Variants in LRP1B observed in about 807,000 individuals in gnomAD.
LRP1B encodes LDL receptor related protein 1B, also known as low-density lipoprotein receptor-related protein 1B.
Under a neutral mutation model 556.6 loss-of-function variants are expected in LRP1B, and 217 were observed. That is an observed-to-expected ratio of 0.39 (90% CI 0.35 to 0.44). The LOEUF (loss-of-function observed/expected upper bound fraction) is 0.44, where lower values mean the gene tolerates loss of function less well. Among genes scored for constraint, LRP1B ranks in the 20% least tolerant of loss-of-function variants. The pLI, the probability that LRP1B is intolerant of heterozygous loss-of-function variation, is 1.00. For synonymous variants in LRP1B, 2,047 were observed against 1,865.8 expected (o/e 1.10, Z -2.50); for missense variants, 5,053 against 5,620.8 (o/e 0.90, Z 3.23).
intron 2 of LRP1B, among the ~76,000 whole-genome samples, chr2:141,529,672 A>T (rs1425827952): frequency 2.0e-5 from 3 of 152,106 alleles, no homozygotes; most frequent in Non-Finnish European, 4.4e-5. Flanking sequence ...TTACATTGCA[A>T]ATGAACCCTG....
intron 3 of LRP1B, among the ~76,000 whole-genome samples, chr2:141,468,775 C>T (rs1180149092): frequency 1.3e-5 from 2 of 152,104 alleles, no homozygotes; most frequent in Non-Finnish European, 2.9e-5. Flanking sequence ...TGTACCTGTA[C>T]TGTACTCTAA....
At chr2:140,614,802 C>G (rs1233970248) in intron 41 of LRP1B, among the ~76,000 whole-genome samples, 2 of 152,094 alleles carry the variant, frequency 1.3e-5, no homozygotes, top group African/African-American at 4.8e-5. Flanking sequence ...GATGTGGCTT[C>G]AAGGAAAATC....
intron 1 of LRP1B, among the ~76,000 whole-genome samples, chr2:141,952,568 A>G (rs1701135919): frequency 6.6e-6 from 1 of 152,102 alleles, no homozygotes; most frequent in African/African-American, 2.4e-5. Flanking sequence ...ACTGGGGGCT[A>G]AAGGCCTCCT....
At chr2:141,701,876 A>T (rs1691951693) in intron 2 of LRP1B, among the ~76,000 whole-genome samples, 1 of 151,902 alleles carries the variant, frequency 6.6e-6, no homozygotes, top group Non-Finnish European at 1.5e-5. Flanking sequence ...TGTTTATACA[A>T]TTTGATGCTA....
At chr2:140,603,523 T>C (rs1682752436) in intron 41 of LRP1B, among the ~76,000 whole-genome samples, 2 of 152,228 alleles carry the variant, frequency 1.3e-5, no homozygotes, top group South Asian at 2.1e-4. Context: ...CAAATGAGAA[T>C]AATCCATCCT....
chr2:140,476,214 A>T (rs1197508354), intron 59 of LRP1B, among the ~76,000 whole-genome samples: 1 of 151,996 alleles, frequency 6.6e-6, no homozygotes, highest in Admixed American at 6.6e-5. Flanking sequence ...TATGTTTTAG[A>T]TGTTTCCTTG....
At chr2:140,662,303 T>C (rs16844414) in intron 41 of LRP1B, among the ~76,000 whole-genome samples, 3,876 of 152,158 alleles carry the variant, frequency 0.025, 159 homozygotes, top group African/African-American at 0.088. Flanking sequence ...CAGTTTTTAT[T>C]TGCATAAGTA....
chr2:141,903,254 A>G (rs1233576884), intron 1 of LRP1B, among the ~76,000 whole-genome samples: 1 of 151,818 alleles, frequency 6.6e-6, no homozygotes, highest in Non-Finnish European at 1.5e-5. Context: ...TTGGGACTTG[A>G]CTAATACTGA....
intron 35 of LRP1B, among the ~76,000 whole-genome samples, chr2:140,720,332 T>C (rs1306772333): frequency 2.6e-5 from 4 of 152,032 alleles, no homozygotes; most frequent in Non-Finnish European, 1.5e-5. Flanking sequence ...GATTGTAAAA[T>C]AGAATTTGTA....
intron 87 of LRP1B, among the ~76,000 whole-genome samples, chr2:140,243,646 T>G (rs1681041819): frequency 6.6e-6 from 1 of 151,202 alleles, no homozygotes; most frequent in African/African-American, 2.4e-5. Flanking sequence ...TGTTCCCAAC[T>G]TAGTAAAGGT....
chr2:141,941,579 G>A lies in LRP1B; in HGVS notation c.83-131178C>T, dbSNP rs567109164. Among the ~76,000 whole-genome samples the A allele has an allele frequency of 5.9e-5, 9 of 152,310 alleles. No individual in the cohort carries two copies. In the East Asian group the frequency reaches 1.7e-3, roughly 29 times the overall value. ...GAGGTTAGCAGCTCAGCTTGGTTAG[G>A]ATGGGAAAGGAAGATGCATTCCAGG... On this transcript the variant is annotated intron_variant, in intron 1 of 90. Coordinates refer to ENST00000389484, the MANE Select transcript of LRP1B (RefSeq NM_018557.3).
At chr2:141,207,157 T>C (rs1478519451) in intron 6 of LRP1B, among the ~76,000 whole-genome samples, 1 of 152,192 alleles carries the variant, frequency 6.6e-6, no homozygotes, top group Non-Finnish European at 1.5e-5. Context: ...TTCCCTTATC[T>C]CATTTAACAA....
At chr2:140,265,176 T>C (rs1682141810) in intron 86 of LRP1B, among the ~76,000 whole-genome samples, 1 of 152,124 alleles carries the variant, frequency 6.6e-6, no homozygotes. Flanking sequence ...GAAGGCTTGG[T>C]CAACTTACTA....
chr2:141,719,947 A>C (rs1302740487), intron 2 of LRP1B, among the ~76,000 whole-genome samples: 1 of 152,144 alleles, frequency 6.6e-6, no homozygotes, highest in Admixed American at 6.6e-5. Context: ...CCTCAGCATC[A>C]TGAAATATAC....
chr2:141,218,157 A>T (rs1682891294), intron 6 of LRP1B, among the ~76,000 whole-genome samples: 1 of 152,114 alleles, frequency 6.6e-6, no homozygotes, highest in Non-Finnish European at 1.5e-5. Context: ...TCTCGATTGC[A>T]GAAAAAAAGG....
intron 29 of LRP1B, among the ~76,000 whole-genome samples, chr2:140,847,774 AAAGAAG>A (rs201702011): frequency 1.2e-5 from 1 of 83,006 alleles, no homozygotes; most frequent in East Asian, 2.8e-4. Flanking sequence ...AAAAAAAAAA[AAAGAAG>A]AAAGAAAAGA....
At chr2:141,219,638 A>AT (rs1445642270) in intron 6 of LRP1B, among the ~76,000 whole-genome samples, 5 of 152,130 alleles carry the variant, frequency 3.3e-5, no homozygotes, top group African/African-American at 1.2e-4. Context: ...TGTTTGAGAC[A>AT]TCCCAACAAG....
At chr2:140,400,103 G>A (rs1469338976) in intron 66 of LRP1B, among the ~76,000 whole-genome samples, 1 of 152,046 alleles carries the variant, frequency 6.6e-6, no homozygotes, top group Non-Finnish European at 1.5e-5. Flanking sequence ...ACTTTTTCTG[G>A]TGTATGGATC....
At chr2:140,307,558 T>C (rs1382582767) in intron 83 of LRP1B, among the ~76,000 whole-genome samples, 1 of 151,798 alleles carries the variant, frequency 6.6e-6, no homozygotes, top group Non-Finnish European at 1.5e-5. Flanking sequence ...TTTTTAAGTA[T>C]ATAACAATAG....
Sources: allele counts gnomAD v4.1 joint callset (sites outside exome capture counted in the v4.1 genomes callset), GRCh38; gene constraint gnomAD v4.1.1; transcripts MANE v1.5; gene names NCBI Gene and HGNC (gene_info 2026-07-23, HGNC 2026-07-21).